Variants in HDAC9 observed in about 807,000 individuals in gnomAD.
HDAC9 encodes the protein histone deacetylase 9, also known as MEF-2 interacting transcription repressor (MITR) protein.
In HDAC9, 41 loss-of-function variants were observed where a neutral mutation model predicts 139.4. The ratio of observed to expected loss-of-function variants is 0.29; its 90% CI spans 0.23 to 0.38. The LOEUF (loss-of-function observed/expected upper bound fraction) is 0.38. HDAC9 is among the 10% of genes least tolerant of loss of function. The pLI, the probability that HDAC9 is intolerant of heterozygous loss-of-function variation, is 1.00. For synonymous variants in HDAC9, 517 were observed against 476.2 expected (o/e 1.09, Z -1.12); for missense variants, 1,147 against 1,297.0 (o/e 0.88, Z 1.78).
At chr7:18,133,914 G>T (rs943940153) in intron 1 of HDAC9, among the ~76,000 whole-genome samples, 2 of 144,998 alleles carry the variant, frequency 1.4e-5, no homozygotes, top group African/African-American at 5.4e-5. Context: ...ATATATCTGT[G>T]TGTGAATATA....
chr7:18,136,638 G>A (rs888133967), intron 1 of HDAC9, among the ~76,000 whole-genome samples: 44 of 152,188 alleles, frequency 2.9e-4, no homozygotes, highest in Non-Finnish European at 5.1e-4. Flanking sequence ...ATTTCTGAGG[G>A]CTCTGTTGTG....
intron 21 of HDAC9, among the ~76,000 whole-genome samples, chr7:18,853,649 C>T (rs1257364480): frequency 2.0e-5 from 3 of 152,120 alleles, no homozygotes; most frequent in Non-Finnish European, 4.4e-5. Context: ...TTTAAGAGTT[C>T]AGCTTTTAAT....
At chr7:18,977,919 G>GACACACAC (rs147049392) in intron 25 of HDAC9, among the ~76,000 whole-genome samples, 3,519 of 140,948 alleles carry the variant, frequency 0.025, 65 homozygotes, top group Non-Finnish European at 0.031. Context: ...CAGACAGACA[G>GACACACAC]ACACACACAC....
chr7:18,587,069 T>C (rs1296607472), intron 3 of HDAC9, among the ~76,000 whole-genome samples: 1 of 152,156 alleles, frequency 6.6e-6, no homozygotes, highest in Non-Finnish European at 1.5e-5. Flanking sequence ...AAGTGAGACA[T>C]GTTTCCCTAA....
At chr7:18,212,397 G>T (rs565481182) in intron 2 of HDAC9, among the ~76,000 whole-genome samples, 148 of 152,212 alleles carry the variant, frequency 9.7e-4, no homozygotes, top group African/African-American at 3.4e-3. Flanking sequence ...TGTCTGTGAT[G>T]AGACAGCATA....
At chr7:18,375,530 G>A (rs1784930283) in intron 1 of HDAC9, among the ~76,000 whole-genome samples, 1 of 152,086 alleles carries the variant, frequency 6.6e-6, no homozygotes. Context: ...TTGGTATATG[G>A]TAGGCCCTTA....
chr7:18,512,258 T>C (rs1032921020), intron 2 of HDAC9, among the ~76,000 whole-genome samples: 1 of 152,124 alleles, frequency 6.6e-6, no homozygotes, highest in African/African-American at 2.4e-5. Context: ...ACATGAGCAT[T>C]CAATAAGATG....
chr7:18,544,382 T>C (rs969984166), intron 2 of HDAC9, among the ~76,000 whole-genome samples: 1 of 152,170 alleles, frequency 6.6e-6, no homozygotes, highest in Non-Finnish European at 1.5e-5. Context: ...TGTTTAAGAA[T>C]GAAAACATGT....
intron 1 of HDAC9, among the ~76,000 whole-genome samples, chr7:18,343,041 A>G (rs1782133552): frequency 6.6e-6 from 1 of 151,766 alleles, no homozygotes; most frequent in Non-Finnish European, 1.5e-5. Flanking sequence ...AAAGATTCCC[A>G]GTAACAATTT....
intron 2 of HDAC9, 79 bp from the exon 3 acceptor site, chr7:18,585,202 T>C: frequency 6.6e-7 from 1 of 1,505,114 alleles, no homozygotes; most frequent in Non-Finnish European, 9.1e-7. Context: ...ACTTTTTATT[T>C]GTTTCCAAAT....
At chr7:18,917,561 T>A (rs1803316863) in intron 22 of HDAC9, among the ~76,000 whole-genome samples, 1 of 151,360 alleles carries the variant, frequency 6.6e-6, no homozygotes, top group African/African-American at 2.4e-5. Context: ...GAGTGGTAAG[T>A]TAGACATAGA....
intron 2 of HDAC9, among the ~76,000 whole-genome samples, chr7:18,508,678 GCAAA>G (rs1800529556): frequency 6.6e-6 from 1 of 152,142 alleles, no homozygotes; most frequent in Non-Finnish European, 1.5e-5. Flanking sequence ...GTTCAGTGAA[GCAAA>G]CAGTTTCTCT....
In HDAC9 at chr7:18,872,520, C is replaced by T. The variant is rs571771952; in HGVS notation, c.2685-1958C>T. On this transcript the variant is annotated intron_variant, in intron 21 of 25. Coordinates refer to ENST00000686413, the MANE Select transcript of HDAC9 (RefSeq NM_178425.4). Reference sequence around the variant, plus strand: ...ATGGGGCTTTTTGACCACTGATTCACGGTAGCAAGATTGGAAAAATAAGCT... The same window carrying T: ...ATGGGGCTTTTTGACCACTGATTCATGGTAGCAAGATTGGAAAAATAAGCT... 3.9e-5 allele frequency among the ~76,000 whole-genome samples: 6 copies of T among 152,192 alleles called. No individual in the cohort carries two copies. In the East Asian group the frequency reaches 5.8e-4, roughly 15 times the overall value.
At chr7:18,875,048 A>G (rs1799215724) in intron 22 of HDAC9, among the ~76,000 whole-genome samples, 1 of 152,186 alleles carries the variant, frequency 6.6e-6, no homozygotes, top group Non-Finnish European at 1.5e-5. Context: ...CCCCTTGCTC[A>G]GAGCCTCTGT....
chr7:18,911,415 CCTTTT>C (rs1216025025), intron 22 of HDAC9, among the ~76,000 whole-genome samples: 3 of 151,324 alleles, frequency 2.0e-5, no homozygotes, highest in Non-Finnish European at 3.0e-5. Context: ...GATCTCGTCT[CCTTTT>C]CTTAGTCTAG....
At chr7:18,181,621 T>G (rs1789436623) in intron 2 of HDAC9, among the ~76,000 whole-genome samples, 1 of 152,112 alleles carries the variant, frequency 6.6e-6, no homozygotes, top group Non-Finnish European at 1.5e-5. Context: ...AAAATAAAGT[T>G]TAGACCTCCA....
intron 2 of HDAC9, among the ~76,000 whole-genome samples, chr7:18,206,826 G>C (rs1396932815): frequency 6.6e-6 from 1 of 152,092 alleles, no homozygotes; most frequent in Non-Finnish European, 1.5e-5. Context: ...TAGTTTAAGT[G>C]TAGGAAGAGG....
intron 2 of HDAC9, among the ~76,000 whole-genome samples, chr7:18,260,323 G>GTTT (rs368857394): frequency 2.6e-5 from 3 of 115,640 alleles, no homozygotes; most frequent in Admixed American, 2.1e-4. Flanking sequence ...TTTTTTTTTT[G>GTTT]TTTTTTTTTT....
At position 18,894,262 on chromosome 7, in the gene HDAC9, T is replaced by G. The variant is rs538114945; in HGVS notation, c.2803+19666T>G. 2.6e-5 allele frequency among the ~76,000 whole-genome samples: 4 copies of G among 152,206 alleles called. No homozygotes were observed. In the South Asian group the frequency reaches 8.3e-4, roughly 32 times the overall value. On this transcript the variant is annotated intron_variant, in intron 22 of 25. Coordinates refer to ENST00000686413, the MANE Select transcript of HDAC9 (RefSeq NM_178425.4). ...TTTAAAGCCGTAAGCCCAGATGAGA[T>G]CACCTAGGGAACAAGTGTAGGTAGA...
Sources: allele counts gnomAD v4.1 joint callset (sites outside exome capture counted in the v4.1 genomes callset), GRCh38; gene constraint gnomAD v4.1.1; transcripts MANE v1.5; gene names NCBI Gene and HGNC (gene_info 2026-07-23, HGNC 2026-07-21).